ROBO2: variants seen among roughly 807,000 people sequenced by gnomAD.
ROBO2 encodes roundabout homolog 2.
In ROBO2, 53 loss-of-function variants were observed where a neutral mutation model predicts 160.8. The observed-to-expected ratio is 0.33, with a 90% confidence interval of 0.26 to 0.41. The LOEUF is 0.41. Ranked by LOEUF, ROBO2 falls within the 10% of genes least tolerant of loss-of-function variation. The pLI is 1.00. For missense variants in ROBO2, 1,577 were observed against 1,722.4 expected, an observed-to-expected ratio of 0.92 and a Z score of 1.49; for synonymous variants, 664 against 611.7, an observed-to-expected ratio of 1.09 and a Z score of -1.26.
chr3:77,391,325 G>C (rs1369571908), intron 2 of ROBO2, among the ~76,000 whole-genome samples: 2 of 151,760 alleles, frequency 1.3e-5, no homozygotes, highest in Non-Finnish European at 2.9e-5. Flanking sequence ...AAATTTTTTT[G>C]AGACAGGGTC....
chr3:76,957,182 G>A (rs2149212727), intron 2 of ROBO2, among the ~76,000 whole-genome samples: 1 of 151,728 alleles, frequency 6.6e-6, no homozygotes, highest in Non-Finnish European at 1.5e-5. Context: ...ATTTCTACTA[G>A]ATAAATGGCT....
intron 2 of ROBO2, among the ~76,000 whole-genome samples, chr3:75,979,235 A>G (rs944054154): frequency 2.6e-5 from 4 of 151,680 alleles, no homozygotes; most frequent in African/African-American, 9.7e-5. Context: ...GGATGGCATC[A>G]TAAAGATATG....
intron 2 of ROBO2, among the ~76,000 whole-genome samples, chr3:77,381,087 G>C (rs893597090): frequency 2.0e-5 from 3 of 152,098 alleles, no homozygotes; most frequent in Non-Finnish European, 4.4e-5. Flanking sequence ...AGGCCTAGGC[G>C]GGGGGATCAC....
chr3:77,170,015 C>T lies in ROBO2; in HGVS notation c.388+71675C>T, dbSNP rs148456438. On this transcript the variant is annotated intron_variant, in intron 2 of 25. Transcript: ENST00000461745. ...TCACATCATGCTCCCAGACTGACAC[C>T]GGGGAAGCTTCATAAATCAGCAAGT... is the stretch of plus-strand genomic sequence containing the variant. 4.5e-4 allele frequency among the ~76,000 whole-genome samples: 68 copies of T among 152,240 alleles called. 2 individuals carry two copies. In the East Asian group the frequency reaches 7.9e-3, roughly 18 times the overall value.
At chr3:76,346,391 G>T (rs2074534109) in intron 2 of ROBO2, among the ~76,000 whole-genome samples, 1 of 152,066 alleles carries the variant, frequency 6.6e-6, no homozygotes, top group South Asian at 2.1e-4. Flanking sequence ...AGCATTGACG[G>T]TAAGTCTAAC....
intron 2 of ROBO2, among the ~76,000 whole-genome samples, chr3:76,979,623 T>C (rs2059992996): frequency 6.6e-6 from 1 of 151,458 alleles, no homozygotes; most frequent in African/African-American, 2.4e-5. Flanking sequence ...TGCGCAGGTA[T>C]ATGTTTGATA....
chr3:76,490,852 T>C (rs1050032120), intron 2 of ROBO2, among the ~76,000 whole-genome samples: 2 of 152,038 alleles, frequency 1.3e-5, no homozygotes, highest in East Asian at 3.8e-4. Context: ...TAAAAATCAA[T>C]AGATTAAAAA....
intron 2 of ROBO2, among the ~76,000 whole-genome samples, chr3:76,671,411 T>C (rs2092258626): frequency 2.6e-5 from 4 of 152,132 alleles, no homozygotes; most frequent in Non-Finnish European, 5.9e-5. Context: ...TTAAGCAAAA[T>C]ACACCCTGAT....
At chr3:76,235,282 C>A (rs910345694) in intron 2 of ROBO2, among the ~76,000 whole-genome samples, 8 of 152,044 alleles carry the variant, frequency 5.3e-5, no homozygotes, top group African/African-American at 1.9e-4. Context: ...GAGCACCGCC[C>A]CACCGCCCAA....
intron 19 of ROBO2, among the ~76,000 whole-genome samples, chr3:77,598,482 A>AGT (rs1559695693): frequency 5.9e-5 from 8 of 135,914 alleles, no homozygotes; most frequent in African/African-American, 1.2e-4. Context: ...TTATTTATAT[A>AGT]GTGTGTATAT....
chr3:76,648,033 T>C (rs545064237), intron 2 of ROBO2, among the ~76,000 whole-genome samples: 1 of 152,262 alleles, frequency 6.6e-6, no homozygotes, highest in African/African-American at 2.4e-5. Context: ...TAATTATTTT[T>C]AAATTCTCGT....
chr3:77,619,492 G>A (rs776697555), intron 22 of ROBO2, among the ~76,000 whole-genome samples: 3 of 152,166 alleles, frequency 2.0e-5, no homozygotes, highest in Non-Finnish European at 2.9e-5. Flanking sequence ...AGAGCTTCCA[G>A]TTGTCCTCTC....
chr3:76,741,269 A>G (rs1293632198), intron 2 of ROBO2, among the ~76,000 whole-genome samples: 2 of 151,606 alleles, frequency 1.3e-5, no homozygotes, highest in African/African-American at 4.9e-5. Flanking sequence ...ATAAAAAGAA[A>G]TTAAAATAAA....
intron 2 of ROBO2, among the ~76,000 whole-genome samples, chr3:77,389,388 A>T (rs2074475020): frequency 1.3e-5 from 2 of 152,126 alleles, no homozygotes; most frequent in African/African-American, 4.8e-5. Flanking sequence ...CCACATTTTA[A>T]CTGTTCAGTA....
chr3:77,622,416 A>G lies in ROBO2; in HGVS notation c.3744A>G (p.Leu1248=), dbSNP rs753367799. Residue 1248 remains leucine (L), a synonymous_variant, in exon 23 of 26, where the codon CTA becomes CTG. Coordinates refer to ENST00000461745, the Ensembl canonical transcript of ROBO2. ...CTCCTGGATCCAGCATGGACAATCT[A>G]GACAGCTCTGTGACAGGTAACGGAA... The G allele has an allele frequency of 1.2e-5, 20 of 1,614,148 alleles. 1 individual carries two copies. In the South Asian group the frequency reaches 2.1e-4, roughly 17 times the overall value.
chr3:77,138,609 T>C (rs756567801), intron 2 of ROBO2, among the ~76,000 whole-genome samples: 25 of 152,244 alleles, frequency 1.6e-4, no homozygotes, highest in Non-Finnish European at 2.6e-4. Context: ...ACATATGTCT[T>C]AAAACTTTCA....
At chr3:77,555,119 C>G (rs963009936) in intron 8 of ROBO2, among the ~76,000 whole-genome samples, 12 of 151,930 alleles carry the variant, frequency 7.9e-5, no homozygotes, top group Non-Finnish European at 1.5e-4. Flanking sequence ...ACTCTAGGCT[C>G]AAATGATCAT....
At chr3:77,583,023 T>A (rs2093957267) in intron 16 of ROBO2, among the ~76,000 whole-genome samples, 1 of 151,596 alleles carries the variant, frequency 6.6e-6, no homozygotes, top group Non-Finnish European at 1.5e-5. Flanking sequence ...GCACCTGTAG[T>A]CCCAGCTACT....
At chr3:76,961,750 C>T (rs1020162468) in intron 2 of ROBO2, among the ~76,000 whole-genome samples, 1 of 152,190 alleles carries the variant, frequency 6.6e-6, no homozygotes, top group African/African-American at 2.4e-5. Context: ...CCATAGTCCT[C>T]ACAAGGCAAT....
Sources: gnomAD v4.1 joint callset for allele counts (sites outside exome capture counted in the v4.1 genomes callset) on GRCh38, gnomAD v4.1.1 for gene constraint, MANE v1.5 for transcripts, NCBI Gene and HGNC (gene_info 2026-07-23, HGNC 2026-07-21) for gene names.